KATNIP: variants seen among roughly 807,000 people sequenced by gnomAD.
The protein encoded by KATNIP is katanin interacting protein.
KATNIP carries 126 observed loss-of-function variants against 174.0 expected under a neutral mutation model. The observed-to-expected ratio is 0.72, with a 90% confidence interval of 0.63 to 0.84. The LOEUF (loss-of-function observed/expected upper bound fraction) is 0.84. Among genes scored for constraint, KATNIP ranks in the 40% least tolerant of loss-of-function variants. KATNIP has a pLI of 0.00. For synonymous variants in KATNIP, 810 were observed against 835.7 expected, an observed-to-expected ratio of 0.97 and a Z score of 0.53; for missense variants, 1,958 against 2,109.7, an observed-to-expected ratio of 0.93 and a Z score of 1.41.
chr16:27,726,033 C>T (rs1309462317), intron 14 of KATNIP, among the ~76,000 whole-genome samples: 1 of 152,148 alleles, frequency 6.6e-6, no homozygotes, highest in African/African-American at 2.4e-5. Context: ...CTGTTAGGAA[C>T]CAGACTGCAC....
chr16:27,694,793 A>G (rs539649222), intron 8 of KATNIP, among the ~76,000 whole-genome samples: 1 of 151,466 alleles, frequency 6.6e-6, no homozygotes, highest in African/African-American at 2.4e-5. Flanking sequence ...CCCTACCACA[A>G]TAAATAAATA....
At chr16:27,703,163 A>G (rs1456895704) in intron 11 of KATNIP, among the ~76,000 whole-genome samples, 6 of 151,544 alleles carry the variant, frequency 4.0e-5, no homozygotes, top group African/African-American at 1.5e-4. Flanking sequence ...GCAAAACTCC[A>G]TCTCAAAAAA....
At chr16:27,734,878 T>C (rs1159937173) in intron 14 of KATNIP, among the ~76,000 whole-genome samples, 2 of 152,186 alleles carry the variant, frequency 1.3e-5, no homozygotes, top group Non-Finnish European at 2.9e-5. Flanking sequence ...ACATACCAGC[T>C]GTGTGACCTT....
chr16:27,757,287 C>T (rs893692384), intron 18 of KATNIP, among the ~76,000 whole-genome samples: 2 of 152,148 alleles, frequency 1.3e-5, no homozygotes, highest in African/African-American at 4.8e-5. Context: ...CTGTGACTCA[C>T]CATGGTGGGT....
chr16:27,671,902 A>G (rs1178278612), intron 6 of KATNIP, among the ~76,000 whole-genome samples: 1 of 152,036 alleles, frequency 6.6e-6, no homozygotes, highest in African/African-American at 2.4e-5. Flanking sequence ...CTAAAAATAC[A>G]AAAATCAGCC....
intron 2 of KATNIP, among the ~76,000 whole-genome samples, chr16:27,600,236 A>C (rs570923395): frequency 1.1e-4 from 17 of 152,294 alleles, no homozygotes; most frequent in South Asian, 8.3e-4. Context: ...GCAGTCCCAC[A>C]TGGTCGGGGA....
chr16:27,669,287 A>G (rs575575676), intron 6 of KATNIP: 20 of 985,360 alleles, frequency 2.0e-5, no homozygotes, highest in Non-Finnish European at 2.3e-5. Context: ...AAGTCTTTGT[A>G]TCAGCGTCCG....
chr16:27,588,475 T>C (rs796177857), intron 2 of KATNIP, among the ~76,000 whole-genome samples: 10 of 152,110 alleles, frequency 6.6e-5, no homozygotes, highest in Admixed American at 3.9e-4. Context: ...CTGTTTTTTG[T>C]TTTGTTTTGT....
At chr16:27,620,192 TG>T (rs1313951008) in intron 3 of KATNIP, among the ~76,000 whole-genome samples, 1 of 152,152 alleles carries the variant, frequency 6.6e-6, no homozygotes, top group Non-Finnish European at 1.5e-5. Flanking sequence ...CCATAAAATT[TG>T]GGGGGACGTG....
intron 14 of KATNIP, among the ~76,000 whole-genome samples, chr16:27,730,642 A>T (rs548760829): frequency 6.6e-6 from 1 of 152,300 alleles, no homozygotes; most frequent in East Asian, 1.9e-4. Context: ...CTTTCAAAAC[A>T]TTGAGGTTCA....
chr16:27,682,814 C>T (rs950415722), intron 8 of KATNIP, among the ~76,000 whole-genome samples: 2 of 152,032 alleles, frequency 1.3e-5, no homozygotes, highest in South Asian at 2.1e-4. Flanking sequence ...GTCATGAAGG[C>T]TTGTCCAGTG....
intron 2 of KATNIP, among the ~76,000 whole-genome samples, chr16:27,604,247 T>A (rs1375305243): frequency 1.3e-5 from 2 of 151,778 alleles, no homozygotes; most frequent in Non-Finnish European, 2.9e-5. Context: ...TACAGGCACA[T>A]GCCATCATGC....
chr16:27,553,889 G>A (rs2089497458), intron 1 of KATNIP, among the ~76,000 whole-genome samples: 1 of 151,780 alleles, frequency 6.6e-6, no homozygotes, highest in Admixed American at 6.6e-5. Flanking sequence ...AGGAGGTTGA[G>A]GCTACAGTGA....
rs1006697196 is a variant in KATNIP at position 27,614,600 on chromosome 16, C to T, written c.64-3825C>T. ...CTGAGATTACAGGCGTGAGCATGCC[C>T]GGCCTTGTTTTTGTTTTTGTTTTAA... On this transcript the variant is annotated intron_variant, in intron 2 of 27. Transcript: ENST00000261588. Among the ~76,000 whole-genome samples the T allele has an allele frequency of 3.9e-5, 6 of 152,170 alleles. No homozygotes were observed. The East Asian group carries it at 9.7e-4, about 25-fold the overall frequency.
In KATNIP at chr16:27,749,952, A is replaced by G. The variant is rs1465217231; in HGVS notation, c.2992A>G (p.Ile998Val). 1 of 1,614,220 alleles carries G rather than the reference A, an allele frequency of 6.2e-7. No homozygotes were observed. The highest frequency in any genetic ancestry group is 2.2e-5 in the East Asian group (1 of 44,882). ...CTATGTCGGCCTCAACGGAATAGAA[A>G]TATTCAGTTCCAAGGGTGAACCGGT... ...RHYVGLNGIE[I>V]FSSKGEPVQI... The change falls in exon 16 of 28, where the codon ATA (isoleucine) becomes GTA (valine). Residue 998 changes from isoleucine to valine, a missense_variant. Transcript: ENST00000261588.
rs770542484 is a variant in KATNIP at position 27,631,184 on chromosome 16, C to G, written c.408+22C>G. On this transcript the variant is annotated intron_variant, in intron 5 of 27. Transcript: ENST00000261588. ...CCAGGTCTGGAGACTGTGGCCCCAG[C>G]CCACGCTTTAGAATACAGAGTGTGG... 7 of 1,526,512 alleles carry G rather than the reference C, an allele frequency of 4.6e-6. No homozygotes were observed. The Admixed American group carries it at 1.4e-4, about 30-fold the overall frequency. 94.6% of individuals were successfully genotyped at this position (1,526,512 alleles called of 1,614,324 possible). A position where few individuals can be genotyped will look rare whatever the true frequency, so the allele number is the denominator to read the frequency against.
intron 1 of KATNIP, among the ~76,000 whole-genome samples, chr16:27,562,869 T>C (rs1438717570): frequency 6.6e-6 from 1 of 152,230 alleles, no homozygotes; most frequent in East Asian, 1.9e-4. Context: ...GACTTTGTCA[T>C]ATTTCGTTTC....
At chr16:27,597,402 C>CTTTTTTTTTT (rs36005993) in intron 2 of KATNIP, among the ~76,000 whole-genome samples, 1 of 46,128 alleles carries the variant, frequency 2.2e-5, no homozygotes, top group Non-Finnish European at 4.2e-5. Context: ...ATTTTCTTTT[C>CTTTTTTTTTT]TTTTTTTTTT....
At chr16:27,596,257 C>T (rs1231385634) in intron 2 of KATNIP, among the ~76,000 whole-genome samples, 1 of 151,954 alleles carries the variant, frequency 6.6e-6, no homozygotes, top group African/African-American at 2.4e-5. Flanking sequence ...GGGCCTGATC[C>T]TGGGTATTGT....
Sources: gnomAD v4.1 joint callset for allele counts (sites outside exome capture counted in the v4.1 genomes callset) on GRCh38, gnomAD v4.1.1 for gene constraint, MANE v1.5 for transcripts, NCBI Gene and HGNC (gene_info 2026-07-23, HGNC 2026-07-21) for gene names.